The following ACO2 variants were observed in gnomAD, a reference collection of about 807,000 sequenced individuals.
ACO2 encodes the protein aconitase 2, also known as aconitate hydratase, mitochondrial.
In ACO2, 31 loss-of-function variants were observed where a neutral mutation model predicts 84.5. That is an observed-to-expected ratio of 0.37 (90% CI 0.28 to 0.50). The LOEUF is 0.50. Among genes scored for constraint, ACO2 ranks in the 20% least tolerant of loss-of-function variants. The probability of loss-of-function intolerance (pLI) is 0.97; values close to 1 mark genes in which losing one functional copy is unlikely to be tolerated. For missense variants in ACO2, 685 were observed against 1,029.3 expected (o/e 0.67, Z 4.58); for synonymous variants, 414 against 412.7 (o/e 1.00, Z -0.04).
intron 1 of ACO2, among the ~76,000 whole-genome samples, chr22:41,473,651 G>T (rs777220672): frequency 3.2e-4 from 48 of 152,214 alleles, no homozygotes; most frequent in Non-Finnish European, 6.0e-4. Flanking sequence ...ATTACTGAGT[G>T]TTGTGGGGAA....
At chr22:41,517,856 G>A (rs964739031) in intron 7 of ACO2, among the ~76,000 whole-genome samples, 1 of 152,234 alleles carries the variant, frequency 6.6e-6, no homozygotes, top group African/African-American at 2.4e-5. Flanking sequence ...GTTCAAGATA[G>A]CCCCACCTCA....
At position 41,528,305 on chromosome 22, in the gene ACO2, C is replaced by T. The variant is rs2066646750; in HGVS notation, c.2209-174C>T. 8.1e-6 allele frequency: 8 copies of T among 984,142 alleles called. No individual in the cohort carries two copies. The South Asian group carries it at 1.4e-4, about 17-fold the overall frequency. 61.0% of individuals were successfully genotyped at this position (984,142 alleles called of 1,614,324 possible). On this transcript the variant is annotated intron_variant, in intron 17 of 17. Transcript: ENST00000216254. ...AGGACCCTCTGGGCCCCAGGAATCC[C>T]CTGTAGGTGCCACCTGGGTCTGACC... is the stretch of plus-strand genomic sequence containing the variant.
intron 1 of ACO2, among the ~76,000 whole-genome samples, chr22:41,473,109 A>T (rs1451598018): frequency 6.6e-6 from 1 of 152,204 alleles, no homozygotes; most frequent in African/African-American, 2.4e-5. Context: ...TGAATTGGTA[A>T]ATAAGCTTCC....
intron 6 of ACO2, among the ~76,000 whole-genome samples, chr22:41,516,969 A>G (rs1378167218): frequency 6.6e-6 from 1 of 151,838 alleles, no homozygotes; most frequent in African/African-American, 2.4e-5. Flanking sequence ...ACCTCAGGTG[A>G]TCCACCCACC....
Position 41,515,765 on chromosome 22 carries a change from A to C in ACO2, c.685-2A>C. On this transcript the variant is annotated splice_acceptor_variant, in intron 5 of 17. Transcript: ENST00000216254. LOFTEE classifies it high-confidence loss of function. This position sits in a 1 kb window ranked among gnomAD's most constrained non-coding sequence, Gnocchi z 5.8. ...ACAGCCGCCTCGCCCCCTCCTGTCCAGGTGATTGGCGTGAAGCTGACGGGC... is the reference window on the plus strand; with the variant it reads ...ACAGCCGCCTCGCCCCCTCCTGTCCCGGTGATTGGCGTGAAGCTGACGGGC... The C allele has an allele frequency of 6.2e-7, 1 of 1,613,234 alleles. No homozygotes were observed. The highest frequency in any genetic ancestry group is 8.5e-7 in the Non-Finnish European group (1 of 1,179,952).
intron 1 of ACO2, among the ~76,000 whole-genome samples, chr22:41,489,804 C>A (rs990674743): frequency 6.6e-6 from 1 of 151,594 alleles, no homozygotes; most frequent in African/African-American, 2.4e-5. Context: ...TGTAAAGGTA[C>A]ATTTTTTTTT....
intron 17 of ACO2, 55 bp downstream of exon 17, chr22:41,528,077 C>CA: frequency 6.2e-7 from 1 of 1,611,828 alleles, no homozygotes; most frequent in Non-Finnish European, 8.5e-7. Context: ...CACCTTGTTT[C>CA]CCCTCCTGCA....
At chr22:41,523,078 G>C in intron 10 of ACO2, 91 bp downstream of exon 10, 2 of 1,571,290 alleles carry the variant, frequency 1.3e-6, no homozygotes, top group Non-Finnish European at 1.7e-6. Flanking sequence ...TTGGGCCGGG[G>C]CTGGGGCAGG....
rs771749582 is a variant in ACO2 at position 41,515,929 on chromosome 22, G to A, written c.835+12G>A. The A allele has an allele frequency of 7.4e-6, 12 of 1,611,902 alleles. No individual in the cohort carries two copies. Among genetic ancestry groups the A allele is most frequent in the Admixed American group, 5.0e-5 (3 of 59,716 alleles). On this transcript the variant is annotated intron_variant, in intron 6 of 17. Coordinates refer to ENST00000216254, the MANE Select transcript of ACO2 (RefSeq NM_001098.3). The surrounding 1 kb of genome is among the most constrained non-coding windows in gnomAD (Gnocchi z 5.8). ...CATCTCCTGCACTGGTGAGGAAGGCGGCCAGGCGACGTGGCCCCTACCCTG... is the reference window on the plus strand; with the variant it reads ...CATCTCCTGCACTGGTGAGGAAGGCAGCCAGGCGACGTGGCCCCTACCCTG...
chr22:41,518,250 C>CTTAGCT (rs2066491170), intron 7 of ACO2, among the ~76,000 whole-genome samples: 1 of 152,206 alleles, frequency 6.6e-6, no homozygotes, highest in Non-Finnish European at 1.5e-5. Context: ...ACACCCTCCC[C>CTTAGCT]GGCTCTGAAC....
At chr22:41,473,460 C>T (rs896406120) in intron 1 of ACO2, among the ~76,000 whole-genome samples, 37 of 152,232 alleles carry the variant, frequency 2.4e-4, no homozygotes, top group East Asian at 1.2e-3. Context: ...ACCGAGATCA[C>T]GCCATTACAC....
At position 41,525,199 on chromosome 22, in the gene ACO2, G is replaced by C. The variant is rs374863630; in HGVS notation, c.1612G>C (p.Asp538His). 1 of 1,613,774 alleles carries C rather than the reference G, an allele frequency of 6.2e-7. No homozygotes were observed. Among genetic ancestry groups the C allele is most frequent in the African/African-American group, 1.3e-5 (1 of 74,930 alleles). ...DADELPKGEFDPGQDTYQHPP... is the reference protein window; with the variant it reads ...DADELPKGEFHPGQDTYQHPP... ...TCCCCATTCCCTGCTGCAGGAGTTTGACCCAGGGCAGGACACCTACCAGCA... is the reference window on the plus strand; with the variant it reads ...TCCCCATTCCCTGCTGCAGGAGTTTCACCCAGGGCAGGACACCTACCAGCA... Residue 538 changes from aspartate to histidine, a missense_variant, in exon 14 of 18, where the codon GAC (aspartate) becomes CAC (histidine). Around this residue, in one of 5 missense-constraint regions of ACO2, gnomAD observed 311 missense variants for 441.6 expected, o/e 0.70. Transcript: ENST00000216254.
Position 41,525,237 on chromosome 22 carries a change from C to G in ACO2, c.1650C>G (p.Asp550Glu). The change falls in exon 14 of 18, where the codon GAC becomes GAG. Residue 550 changes from aspartate (D) to glutamate (E), a missense_variant. Transcript: ENST00000216254. ...ACACCTACCAGCACCCACCCAAGGA[C>G]AGCAGCGGGCAGCATGTGGACGTGA... Reference protein sequence around the residue: ...GQDTYQHPPKDSSGQHVDVSP... With the variant: ...GQDTYQHPPKESSGQHVDVSP... The G allele has an allele frequency of 6.2e-7, 1 of 1,614,092 alleles. No individual in the cohort carries two copies. Among genetic ancestry groups the G allele is most frequent in the Non-Finnish European group, 8.5e-7 (1 of 1,180,002 alleles).
At chr22:41,473,233 G>A (rs539292565) in intron 1 of ACO2, among the ~76,000 whole-genome samples, 3 of 152,230 alleles carry the variant, frequency 2.0e-5, no homozygotes, top group Admixed American at 1.3e-4. Context: ...GGCTGGGCTC[G>A]GTGGCTCACG....
intron 1 of ACO2, among the ~76,000 whole-genome samples, chr22:41,480,378 A>G (rs1390860128): frequency 6.6e-6 from 1 of 152,214 alleles, no homozygotes; most frequent in Non-Finnish European, 1.5e-5. Context: ...TGTGTTAGGC[A>G]TTCAAATACA....
At position 41,526,722 on chromosome 22, in the gene ACO2, AG is replaced by A. The variant is rs201209763; in HGVS notation, c.1953+274del. The A allele has an allele frequency of 0.011, 4,388 of 417,158 alleles. 40 individuals are homozygous for A. The highest frequency in any genetic ancestry group is 0.012 in the Non-Finnish European group (2,802 of 231,240). 25.8% of individuals were successfully genotyped at this position (417,158 alleles called of 1,614,324 possible). On this transcript the variant is annotated intron_variant, in intron 15 of 17. Transcript: ENST00000216254. ...ATCTGGCCCTAGACAAAGACAAGGAAGGGGGCCGACTCAGGAAGTCAGAGGC... is the reference window on the plus strand; with the variant it reads ...ATCTGGCCCTAGACAAAGACAAGGAAGGGGCCGACTCAGGAAGTCAGAGGC...
chr22:41,483,123 G>A (rs1237496867), intron 1 of ACO2, among the ~76,000 whole-genome samples: 3 of 152,302 alleles, frequency 2.0e-5, no homozygotes, highest in Middle Eastern at 3.4e-3. Context: ...GGGCGAGGGC[G>A]CAGTGAAAGT....
At chr22:41,523,746 C>G (rs757002783) in intron 11 of ACO2, 84 bp from the exon 12 acceptor site, 4 of 1,289,864 alleles carry the variant, frequency 3.1e-6, no homozygotes, top group Non-Finnish European at 4.5e-6. Context: ...TGGGCTGCGC[C>G]ACAGGAACCC....
intron 1 of ACO2, among the ~76,000 whole-genome samples, chr22:41,477,232 C>T (rs2038027972): frequency 6.6e-6 from 1 of 151,632 alleles, no homozygotes; most frequent in South Asian, 2.1e-4. Flanking sequence ...CCACTCAGTT[C>T]AAGCTCCGCC....
Sources: gnomAD v4.1 joint callset for allele counts (sites outside exome capture counted in the v4.1 genomes callset) on GRCh38, gnomAD v4.1.1 for gene constraint, gnomAD v4.1.1 regional missense constraint, Gnocchi (gnomAD v3.1) non-coding constraint, MANE v1.5 for transcripts, NCBI Gene and HGNC (gene_info 2026-07-23, HGNC 2026-07-21) for gene names.